Variants in NR3C2 observed in about 807,000 individuals in gnomAD.
The protein encoded by NR3C2 is mineralocorticoid receptor.
In NR3C2, 15 loss-of-function variants were observed where a neutral mutation model predicts 86.4. That is an observed-to-expected ratio of 0.17 (90% CI 0.12 to 0.27). NR3C2 has a LOEUF of 0.27. Ranked by LOEUF, NR3C2 falls within the 10% of genes least tolerant of loss-of-function variation. The probability of loss-of-function intolerance (pLI) is 1.00; values close to 1 mark genes in which losing one functional copy is unlikely to be tolerated. For synonymous variants in NR3C2, 458 were observed against 450.5 expected (o/e 1.02, Z -0.21); for missense variants, 960 against 1,195.6 (o/e 0.80, Z 2.91).
chr4:148,277,107 C>T (rs369398173), intron 2 of NR3C2, among the ~76,000 whole-genome samples: 20 of 152,026 alleles, frequency 1.3e-4, no homozygotes, highest in Middle Eastern at 3.2e-3. Flanking sequence ...AAATATTTTA[C>T]GGGAACTGGA....
intron 2 of NR3C2, among the ~76,000 whole-genome samples, chr4:148,295,862 C>T (rs1742022691): frequency 6.6e-6 from 1 of 151,802 alleles, no homozygotes; most frequent in Non-Finnish European, 1.5e-5. Context: ...ATCCTGCCTA[C>T]CTTACCCACA....
chr4:148,421,150 C>T (rs1016953605), intron 2 of NR3C2, among the ~76,000 whole-genome samples: 1 of 152,150 alleles, frequency 6.6e-6, no homozygotes, highest in Non-Finnish European at 1.5e-5. Flanking sequence ...CAATGTAGCA[C>T]CTCCCTATTT....
At chr4:148,129,757 G>A (rs1001504851) in intron 6 of NR3C2, among the ~76,000 whole-genome samples, 2 of 152,010 alleles carry the variant, frequency 1.3e-5, no homozygotes, top group African/African-American at 4.8e-5. Flanking sequence ...CACCATGCCT[G>A]GCTAATTTTT....
intron 2 of NR3C2, among the ~76,000 whole-genome samples, chr4:148,358,405 G>A (rs1270584439): frequency 2.0e-5 from 3 of 148,970 alleles, no homozygotes; most frequent in Non-Finnish European, 4.4e-5. Context: ...CTCACTCATA[G>A]GTGGGAATTG....
chr4:148,386,091 T>C (rs993132392), intron 2 of NR3C2, among the ~76,000 whole-genome samples: 5 of 152,080 alleles, frequency 3.3e-5, no homozygotes, highest in African/African-American at 1.2e-4. Flanking sequence ...TATTGGTGTG[T>C]GCAAGATGGA....
chr4:148,080,312 C>G lies in NR3C2; in HGVS notation c.*1032G>C, dbSNP rs61763141. On this transcript the variant is annotated 3_prime_UTR_variant, in exon 9 of 9. Coordinates refer to ENST00000358102, the MANE Select transcript of NR3C2 (RefSeq NM_000901.5). ...AAAAGTAGAAAGGTTTCAAGACAAC[C>G]GAAGAGGTTTCAGTGTGGTTATTTA... The G allele has an allele frequency of 4.6e-5, 7 of 152,474 alleles. No individual in the cohort carries two copies. The highest frequency in any genetic ancestry group is 4.1e-4 in the South Asian group (2 of 4,826). 9.4% of individuals were successfully genotyped at this position (152,474 alleles called of 1,614,324 possible). A position where few individuals can be genotyped will look rare whatever the true frequency, so the allele number is the denominator to read the frequency against.
chr4:148,384,524 A>G (rs1747168864), intron 2 of NR3C2, among the ~76,000 whole-genome samples: 1 of 152,202 alleles, frequency 6.6e-6, no homozygotes, highest in South Asian at 2.1e-4. Context: ...ATGCATATCA[A>G]CAACATATGG....
intron 2 of NR3C2, among the ~76,000 whole-genome samples, chr4:148,269,200 A>G (rs569063058): frequency 6.6e-6 from 1 of 152,262 alleles, no homozygotes; most frequent in South Asian, 2.1e-4. Flanking sequence ...CTGAGGAAGA[A>G]AAGTCCAAGT....
At chr4:148,243,203 GT>G (rs1174943689) in intron 3 of NR3C2, among the ~76,000 whole-genome samples, 1 of 151,752 alleles carries the variant, frequency 6.6e-6, no homozygotes, top group African/African-American at 2.4e-5. Flanking sequence ...GCTAATTTTT[GT>G]TTTTTATAGA....
chr4:148,237,230 A>C (rs1173357615), intron 3 of NR3C2, among the ~76,000 whole-genome samples: 1 of 152,296 alleles, frequency 6.6e-6, no homozygotes, highest in East Asian at 1.9e-4. Context: ...TGGACAATTT[A>C]ACTTTTTAAG....
chr4:148,166,988 C>A (rs1468885283), intron 4 of NR3C2, among the ~76,000 whole-genome samples: 1 of 152,110 alleles, frequency 6.6e-6, no homozygotes, highest in Non-Finnish European at 1.5e-5. Flanking sequence ...AGAAATTAAA[C>A]AAAACAGTTT....
intron 2 of NR3C2, among the ~76,000 whole-genome samples, chr4:148,292,421 A>T (rs930164876): frequency 6.6e-6 from 1 of 152,142 alleles, no homozygotes; most frequent in Non-Finnish European, 1.5e-5. Context: ...AGAAAAATGT[A>T]GGATGTCATG....
At chr4:148,096,520 A>T (rs1019740915) in intron 8 of NR3C2, among the ~76,000 whole-genome samples, 3 of 152,194 alleles carry the variant, frequency 2.0e-5, no homozygotes, top group Non-Finnish European at 4.4e-5. Flanking sequence ...AGCCTTAGGT[A>T]AGAACAGGTG....
At chr4:148,303,515 G>A (rs1052149619) in intron 2 of NR3C2, among the ~76,000 whole-genome samples, 24 of 152,090 alleles carry the variant, frequency 1.6e-4, no homozygotes, top group Admixed American at 3.3e-4. Context: ...TTATCTGGGC[G>A]TGTCACAAGA....
At chr4:148,259,563 T>C (rs545810950) in intron 3 of NR3C2, among the ~76,000 whole-genome samples, 2 of 152,334 alleles carry the variant, frequency 1.3e-5, no homozygotes, top group East Asian at 3.9e-4. Context: ...ACAGACTTGA[T>C]TCTGATATTA....
Position 148,268,572 on chromosome 4 carries a change from G to A in NR3C2, c.1758-8455C>T, listed in dbSNP as rs112229275. Among the ~76,000 whole-genome samples the A allele has an allele frequency of 2.6e-3, 397 of 152,300 alleles. 2 individuals carry two copies. The highest frequency in any genetic ancestry group is 8.8e-3 in the African/African-American group (367 of 41,554). On this transcript the variant is annotated intron_variant, in intron 2 of 8. Coordinates refer to ENST00000358102, the MANE Select transcript of NR3C2 (RefSeq NM_000901.5). ...CTTGGAAAATAATTTAAAGCACAGT[G>A]ATGACAATTAGTCTTCCACAATTTA...
intron 2 of NR3C2, among the ~76,000 whole-genome samples, chr4:148,319,264 G>C (rs1023230380): frequency 2.6e-5 from 4 of 152,156 alleles, no homozygotes; most frequent in Non-Finnish European, 5.9e-5. Context: ...GTACCATGCT[G>C]TTTTGGTTAC....
rs183710926 is a variant in NR3C2, at chr4:148,381,768, G to T, written c.1757+53336C>A. 1.7e-3 allele frequency among the ~76,000 whole-genome samples: 257 copies of T among 152,284 alleles called. 2 individuals carry two copies. The highest frequency in any genetic ancestry group is 5.5e-3 in the African/African-American group (228 of 41,576). On this transcript the variant is annotated intron_variant, in intron 2 of 8. Transcript: ENST00000358102. ...ATGCTCACTTTATCATTTAGTAAAT[G>T]ATACCATAGTTTTTCCACTGAAAGT...
chr4:148,307,682 C>T (rs376355558), intron 2 of NR3C2, among the ~76,000 whole-genome samples: 39 of 151,932 alleles, frequency 2.6e-4, no homozygotes, highest in East Asian at 7.7e-4. Context: ...TGGGGGTAGT[C>T]GGGAAACAGA....
Sources: gnomAD v4.1 joint callset for allele counts (sites outside exome capture counted in the v4.1 genomes callset) on GRCh38, gnomAD v4.1.1 for gene constraint, MANE v1.5 for transcripts, NCBI Gene and HGNC (gene_info 2026-07-23, HGNC 2026-07-21) for gene names.